PLAAT1: variants seen among roughly 807,000 people sequenced by gnomAD.
The protein encoded by PLAAT1 is phospholipase A and acyltransferase 1.
PLAAT1 carries 13 observed loss-of-function variants against 16.4 expected under a neutral mutation model. The ratio of observed to expected loss-of-function variants is 0.79; its 90% CI spans 0.52 to 1.26. The LOEUF (loss-of-function observed/expected upper bound fraction) is 1.26. PLAAT1 is among the 50% of genes most tolerant of loss of function. The pLI is 0.00. For synonymous variants in PLAAT1, 73 were observed against 78.4 expected, an observed-to-expected ratio of 0.93 and a Z score of 0.36; for missense variants, 218 against 207.8, an observed-to-expected ratio of 1.05 and a Z score of -0.30.
At chr3:193,256,912 T>C (rs1434553826) in intron 2 of PLAAT1, among the ~76,000 whole-genome samples, 1 of 152,164 alleles carries the variant, frequency 6.6e-6, no homozygotes, top group African/African-American at 2.4e-5. Context: ...ATATTAGTTA[T>C]CAAATATTCT....
At chr3:193,272,469 A>AC (rs933808893), downstream of PLAAT1, among the ~76,000 whole-genome samples, 9 of 151,372 alleles carry the variant, frequency 5.9e-5, no homozygotes, top group Admixed American at 3.3e-4. Flanking sequence ...ACAAAACAAA[A>AC]AAACCCAGTT....
At position 193,241,547 on chromosome 3, in the gene PLAAT1, A is replaced by C. The variant is rs1342454068; in HGVS notation, c.-1+14A>C. The C allele has an allele frequency of 2.4e-6, 3 of 1,231,818 alleles. No individual in the cohort carries two copies. The highest frequency in any genetic ancestry group is 1.6e-5 in the African/African-American group (1 of 64,512). The allele number at this position is 1,231,818 out of a possible 1,614,324, so 76.3% of individuals were successfully genotyped here. ...CTTGAGAGTGAGGTGTGCTGGGCGG[A>C]GTGGGGGAGGACCTCGAGGCGCCCC... is the stretch of plus-strand genomic sequence containing the variant. On this transcript the variant is annotated intron_variant, in intron 1 of 3. Transcript: ENST00000264735.
chr3:193,247,722 T>G (rs924565207), intron 1 of PLAAT1, among the ~76,000 whole-genome samples: 2 of 152,192 alleles, frequency 1.3e-5, no homozygotes, highest in African/African-American at 2.4e-5. Context: ...TTATTTAATT[T>G]CCACATAGAG....
intron 1 of PLAAT1, among the ~76,000 whole-genome samples, chr3:193,253,103 C>G (rs935974929): frequency 5.3e-5 from 8 of 152,188 alleles, no homozygotes; most frequent in African/African-American, 1.9e-4. Context: ...AGTTTGGAGA[C>G]CATTAGATTA....
chr3:193,254,629 A>G (rs1716309689), intron 1 of PLAAT1, among the ~76,000 whole-genome samples: 1 of 152,204 alleles, frequency 6.6e-6, no homozygotes, highest in Non-Finnish European at 1.5e-5. Context: ...TGACTTAAAA[A>G]AAATTACCAA....
In PLAAT1 at chr3:193,241,306, G is replaced by C. The variant is rs1405097932; in HGVS notation, c.-228G>C. ...CGGCGTGCGGGCGTCTCAGAGCCGC[G>C]GAGGGGCCGCCGGGACCGTTTCAGC... On this transcript the variant is annotated 5_prime_UTR_variant, in exon 1 of 4. Transcript: ENST00000264735. 18 of 1,230,954 alleles carry C rather than the reference G, an allele frequency of 1.5e-5. No homozygotes were observed. The highest frequency in any genetic ancestry group is 1.6e-5 in the Non-Finnish European group (16 of 987,550). The allele number at this position is 1,230,954 out of a possible 1,614,324, so 76.3% of individuals were successfully genotyped here. A position where few individuals can be genotyped will look rare whatever the true frequency, so the allele number is the denominator to read the frequency against.
downstream of PLAAT1, among the ~76,000 whole-genome samples, chr3:193,273,178 T>G (rs1189677897): frequency 2.0e-5 from 3 of 152,218 alleles, no homozygotes; most frequent in Non-Finnish European, 4.4e-5. Flanking sequence ...ATTGAATCTT[T>G]TCATTCTAAA....
intron 2 of PLAAT1, among the ~76,000 whole-genome samples, chr3:193,257,569 C>T (rs1240084058): frequency 1.3e-5 from 2 of 152,098 alleles, no homozygotes; most frequent in Non-Finnish European, 1.5e-5. Flanking sequence ...TTTCTCAAAA[C>T]TATACAAAAA....
chr3:193,261,089 C>T (rs917600481), intron 2 of PLAAT1, among the ~76,000 whole-genome samples: 4 of 152,038 alleles, frequency 2.6e-5, no homozygotes, highest in Non-Finnish European at 4.4e-5. Flanking sequence ...TGTATGCAGA[C>T]CAGGCGTGCT....
intron 3 of PLAAT1, among the ~76,000 whole-genome samples, chr3:193,263,559 A>G (rs1716669432): frequency 6.6e-6 from 1 of 152,224 alleles, no homozygotes; most frequent in Non-Finnish European, 1.5e-5. Context: ...ATATACTGAA[A>G]AGAATATGCT....
intron 1 of PLAAT1, among the ~76,000 whole-genome samples, chr3:193,242,745 A>C (rs1036735845): frequency 6.6e-6 from 1 of 152,122 alleles, no homozygotes; most frequent in East Asian, 1.9e-4. Flanking sequence ...CAGCACTGAG[A>C]GTCTATGAAT....
intron 1 of PLAAT1, among the ~76,000 whole-genome samples, chr3:193,244,445 G>GCT (rs1373964975): frequency 2.0e-5 from 3 of 151,292 alleles, no homozygotes; most frequent in Non-Finnish European, 4.4e-5. Context: ...TATTCTGTTA[G>GCT]ATGTATAATG....
chr3:193,246,315 G>T (rs1474393013), intron 1 of PLAAT1, among the ~76,000 whole-genome samples: 2 of 152,052 alleles, frequency 1.3e-5, no homozygotes, highest in Non-Finnish European at 2.9e-5. Flanking sequence ...AGATACTTGT[G>T]TGCTTTTTGT....
chr3:193,243,730 TAACTC>T (rs1240397197), intron 1 of PLAAT1, among the ~76,000 whole-genome samples: 1 of 152,174 alleles, frequency 6.6e-6, no homozygotes, highest in Non-Finnish European at 1.5e-5. Flanking sequence ...GTCTGGCACT[TAACTC>T]ATCTGAGTCT....
chr3:193,262,595 T>G (rs965088390), intron 2 of PLAAT1, among the ~76,000 whole-genome samples: 5 of 152,092 alleles, frequency 3.3e-5, no homozygotes, highest in African/African-American at 1.2e-4. Context: ...AAAAACTGCC[T>G]TATAGAAAAA....
intron 3 of PLAAT1, among the ~76,000 whole-genome samples, chr3:193,270,248 T>C (rs1004962286): frequency 6.6e-6 from 1 of 152,156 alleles, no homozygotes; most frequent in Non-Finnish European, 1.5e-5. Flanking sequence ...TCAGGCAAAC[T>C]ACTTATGATA....
chr3:193,277,976 A>T (rs1254507915), downstream of PLAAT1, among the ~76,000 whole-genome samples: 2 of 152,084 alleles, frequency 1.3e-5, no homozygotes, highest in Non-Finnish European at 2.9e-5. Context: ...GCTAATTTTT[A>T]TATTTTTAGT....
rs765917300 is a variant in PLAAT1 at position 193,276,856 on chromosome 3, A to C, written c.*60-780A>C. 3 of 1,542,682 alleles carry C rather than the reference A, an allele frequency of 1.9e-6. No homozygotes were observed. The South Asian group carries it at 3.4e-5, about 18-fold the overall frequency. ...CTGTTGAAAAACAAATACCATTATTATATTTTGCACACTTCACACTTTGAA... is the reference window on the plus strand; with the variant it reads ...CTGTTGAAAAACAAATACCATTATTCTATTTTGCACACTTCACACTTTGAA... On this transcript the variant is annotated intron_variant and NMD_transcript_variant, in intron 2 of 2. Transcript: ENST00000416012.
intron 3 of PLAAT1, among the ~76,000 whole-genome samples, chr3:193,266,271 A>G (rs1357496187): frequency 6.6e-6 from 1 of 152,168 alleles, no homozygotes; most frequent in African/African-American, 2.4e-5. Flanking sequence ...CTTATCTCCA[A>G]ATACATCAAG....
Sources: gnomAD v4.1 joint callset for allele counts (sites outside exome capture counted in the v4.1 genomes callset) on GRCh38, gnomAD v4.1.1 for gene constraint, MANE v1.5 for transcripts, NCBI Gene and HGNC (gene_info 2026-07-23, HGNC 2026-07-21) for gene names.